The following BNC2 variants were observed in gnomAD, a reference collection of about 807,000 sequenced individuals.
The protein encoded by BNC2 is basonuclin zinc finger protein 2, also known as zinc finger protein basonuclin-2.
In BNC2, 20 loss-of-function variants were observed where a neutral mutation model predicts 76.3. The ratio of observed to expected loss-of-function variants is 0.26; its 90% CI spans 0.18 to 0.38. The LOEUF is 0.38. Among genes scored for constraint, BNC2 ranks in the 10% least tolerant of loss-of-function variants. BNC2 has a pLI of 1.00. For missense variants in BNC2, 1,382 were observed against 1,399.8 expected, an observed-to-expected ratio of 0.99 and a Z score of 0.20; for synonymous variants, 582 against 514.8, an observed-to-expected ratio of 1.13 and a Z score of -1.77.
At chr9:16,426,247 T>G (rs1820801922) in intron 6 of BNC2, among the ~76,000 whole-genome samples, 2 of 152,162 alleles carry the variant, frequency 1.3e-5, no homozygotes, top group African/African-American at 4.8e-5. Context: ...TATATAGCCT[T>G]ACTTTATAAA....
chr9:16,564,166 G>T (rs534984665), intron 4 of BNC2, among the ~76,000 whole-genome samples: 1 of 152,294 alleles, frequency 6.6e-6, no homozygotes, highest in South Asian at 2.1e-4. Flanking sequence ...CCAGATTAAA[G>T]ACAGAGTCTC....
chr9:16,495,000 G>T (rs1414022309), intron 5 of BNC2, among the ~76,000 whole-genome samples: 1 of 152,132 alleles, frequency 6.6e-6, no homozygotes, highest in Non-Finnish European at 1.5e-5. Context: ...AAAAGAGTTT[G>T]GATGTTCTTT....
At chr9:16,758,358 T>TG (rs34830583) in intron 1 of BNC2, among the ~76,000 whole-genome samples, 106,006 of 151,556 alleles carry the variant, frequency 0.7, 39,404 homozygotes, top group Non-Finnish European at 0.84. Context: ...CCTTTTTTTT[T>TG]AGATGGAGTT....
intron 1 of BNC2, among the ~76,000 whole-genome samples, chr9:16,741,017 T>C (rs915071784): frequency 1.3e-5 from 2 of 152,174 alleles, no homozygotes; most frequent in Non-Finnish European, 2.9e-5. Flanking sequence ...AATTTATCTT[T>C]CCTAATTCAG....
rs1820465659 is a variant in BNC2 at position 16,411,728 on chromosome 9, T to C, written c.*7261A>G. On this transcript the variant is annotated 3_prime_UTR_variant, in exon 7 of 7. Coordinates refer to ENST00000380672, the MANE Select transcript of BNC2 (RefSeq NM_017637.6). ...ATTTGTCAACATAGACCTGTTACATTGTCTATCCCTAAATCTGCTGCTGTT... is the reference window on the plus strand; with the variant it reads ...ATTTGTCAACATAGACCTGTTACATCGTCTATCCCTAAATCTGCTGCTGTT... The C allele has an allele frequency of 6.6e-6, 1 of 152,610 alleles. No homozygotes were observed. Among genetic ancestry groups the C allele is most frequent in the African/African-American group, 2.4e-5 (1 of 41,450 alleles). 9.5% of individuals were successfully genotyped at this position (152,610 alleles called of 1,614,324 possible). A position where few individuals can be genotyped will look rare whatever the true frequency, so the allele number is the denominator to read the frequency against.
intron 1 of BNC2, among the ~76,000 whole-genome samples, chr9:16,787,826 G>A (rs960609773): frequency 1.3e-5 from 2 of 152,130 alleles, no homozygotes. Flanking sequence ...GCTAGGATTA[G>A]AAGCATGAGC....
chr9:16,769,997 A>G (rs1346458213), intron 1 of BNC2, among the ~76,000 whole-genome samples: 1 of 152,184 alleles, frequency 6.6e-6, no homozygotes, highest in Non-Finnish European at 1.5e-5. Context: ...GAGAAGCTGT[A>G]TACCTAACCT....
At chr9:16,847,118 G>A (rs1586931943) in intron 1 of BNC2, among the ~76,000 whole-genome samples, 1 of 152,266 alleles carries the variant, frequency 6.6e-6, no homozygotes, top group South Asian at 2.1e-4. Flanking sequence ...ATGTGAAGAT[G>A]TATGCTGCGG....
intron 1 of BNC2, among the ~76,000 whole-genome samples, chr9:16,822,492 A>C (rs998127172): frequency 8.5e-5 from 13 of 152,216 alleles, no homozygotes; most frequent in African/African-American, 3.1e-4. Flanking sequence ...ATCTAGAGTG[A>C]ACTAGTTAGT....
chr9:16,849,606 G>A (rs10962641), intron 1 of BNC2, among the ~76,000 whole-genome samples: 55,579 of 151,682 alleles, frequency 0.37, 10,583 homozygotes, highest in East Asian at 0.64. Context: ...TGACCTACTC[G>A]CCTCTGCCTC....
At chr9:16,567,632 A>G (rs1367125491) in intron 4 of BNC2, among the ~76,000 whole-genome samples, 4 of 152,318 alleles carry the variant, frequency 2.6e-5, no homozygotes, top group South Asian at 4.1e-4. Flanking sequence ...ATGTAAGAGT[A>G]TAAAAGTGCT....
At chr9:16,728,315 G>A in intron 2 of BNC2, 1 of 429,480 alleles carries the variant, frequency 2.3e-6, no homozygotes, top group Non-Finnish European at 4.3e-6. Flanking sequence ...CAACTGCACT[G>A]TTCCACTGTC....
At chr9:16,803,840 C>G (rs1035933734) in intron 1 of BNC2, among the ~76,000 whole-genome samples, 1 of 152,242 alleles carries the variant, frequency 6.6e-6, no homozygotes, top group African/African-American at 2.4e-5. Flanking sequence ...CGCTTATCAG[C>G]ACTCTAAGGA....
chr9:16,770,138 T>G (rs576911536), intron 1 of BNC2, among the ~76,000 whole-genome samples: 1 of 152,154 alleles, frequency 6.6e-6, no homozygotes, highest in African/African-American at 2.4e-5. Context: ...CATAGTCCCA[T>G]GGCTCAATGC....
chr9:16,463,356 G>T (rs1821628930), intron 5 of BNC2, among the ~76,000 whole-genome samples: 1 of 135,724 alleles, frequency 7.4e-6, no homozygotes, highest in Non-Finnish European at 1.5e-5. Context: ...GAGTGCAGTG[G>T]CGGGATCTCG....
At chr9:16,608,581 C>G (rs1254257581) in intron 3 of BNC2, among the ~76,000 whole-genome samples, 1 of 152,182 alleles carries the variant, frequency 6.6e-6, no homozygotes, top group Non-Finnish European at 1.5e-5. Flanking sequence ...TCATAGCTCA[C>G]TGCAGCCTTG....
At chr9:16,598,948 T>C (rs1264769156) in intron 3 of BNC2, among the ~76,000 whole-genome samples, 2 of 152,226 alleles carry the variant, frequency 1.3e-5, no homozygotes, top group Non-Finnish European at 2.9e-5. Context: ...AAATATTAAA[T>C]AGGGTTGTGC....
At chr9:16,780,262 A>C (rs569278528) in intron 1 of BNC2, among the ~76,000 whole-genome samples, 191 of 145,690 alleles carry the variant, frequency 1.3e-3, no homozygotes, top group African/African-American at 4.7e-3. Flanking sequence ...AAAAACAAAA[A>C]AAAACTACTG....
intron 1 of BNC2, among the ~76,000 whole-genome samples, chr9:16,802,040 C>T (rs1227050169): frequency 6.6e-6 from 1 of 152,096 alleles, no homozygotes; most frequent in Non-Finnish European, 1.5e-5. Context: ...ATGCCACACG[C>T]CTGCTTCGTA....
Sources: allele counts gnomAD v4.1 joint callset (sites outside exome capture counted in the v4.1 genomes callset), GRCh38; gene constraint gnomAD v4.1.1; transcripts MANE v1.5; gene names NCBI Gene and HGNC (gene_info 2026-07-23, HGNC 2026-07-21).